Variants in AFP observed in about 807,000 individuals in gnomAD.
The protein encoded by AFP is alpha fetoprotein.
Under a neutral mutation model 78.9 loss-of-function variants are expected in AFP, and 64 were observed. The ratio of observed to expected loss-of-function variants is 0.81; its 90% CI spans 0.66 to 1.00. AFP has a LOEUF of 1.00. Ranked by LOEUF, AFP falls within the 50% of genes least tolerant of loss-of-function variation. The pLI is 0.00. For synonymous variants in AFP, 254 were observed against 243.8 expected (o/e 1.04, Z -0.39); for missense variants, 689 against 703.8 (o/e 0.98, Z 0.24).
chr4:73,445,222 C>T, intron 7 of AFP, 100 bp downstream of exon 7: 1 of 1,444,574 alleles, frequency 6.9e-7, no homozygotes. Flanking sequence ...GAATTGGTTA[C>T]AGAGTATGTA....
chr4:73,451,615 C>T (rs1035932084), intron 11 of AFP, among the ~76,000 whole-genome samples: 1 of 152,118 alleles, frequency 6.6e-6, no homozygotes, highest in East Asian at 1.9e-4. Context: ...CCGGAGGCCA[C>T]CAGCCAACAA....
At chr4:73,454,610 C>T (rs1300019772) in intron 13 of AFP, among the ~76,000 whole-genome samples, 1 of 152,084 alleles carries the variant, frequency 6.6e-6, no homozygotes, top group Non-Finnish European at 1.5e-5. Flanking sequence ...TATAGCAACA[C>T]TATACTTTAA....
In AFP at chr4:73,438,158, C is replaced by T. The variant is rs7655393; in HGVS notation, c.138-16C>T. The T allele has an allele frequency of 2.9e-4, 469 of 1,612,854 alleles. 1 individual carries two copies. In the African/African-American group the frequency reaches 5.3e-3, roughly 18 times the overall value. On this transcript the variant is annotated splice_polypyrimidine_tract_variant and intron_variant, in intron 2 of 14. Coordinates refer to ENST00000395792, the MANE Select transcript of AFP (RefSeq NM_001134.3). ...CAGGTCTGTTCCTTAAGGATTCACA[C>T]GTATTTTTGTTTCAGGGCTACCATA...
intron 11 of AFP, among the ~76,000 whole-genome samples, chr4:73,451,295 C>T (rs1037721410): frequency 1.3e-5 from 2 of 152,206 alleles, no homozygotes; most frequent in African/African-American, 4.8e-5. Flanking sequence ...AAATGACTTT[C>T]GAGTCAGTAA....
chr4:73,451,885 T>A lies in AFP; in HGVS notation c.1429-516T>A, dbSNP rs1720001705. 2.0e-5 allele frequency among the ~76,000 whole-genome samples: 3 copies of A among 152,226 alleles called. No homozygotes were observed. In the South Asian group the frequency reaches 6.2e-4, roughly 32 times the overall value. Reference sequence around the variant, plus strand: ...TCCTAAGTAGGCAAGGTAGCAAGATTCTACATTAGGAAAGTCTTAAAAACC... The same window carrying A: ...TCCTAAGTAGGCAAGGTAGCAAGATACTACATTAGGAAAGTCTTAAAAACC... On this transcript the variant is annotated intron_variant, in intron 11 of 14. Coordinates refer to ENST00000395792, the MANE Select transcript of AFP (RefSeq NM_001134.3).
At chr4:73,442,705 C>CTTAT (rs1719705471) in intron 5 of AFP, among the ~76,000 whole-genome samples, 2 of 151,566 alleles carry the variant, frequency 1.3e-5, no homozygotes, top group South Asian at 4.2e-4. Flanking sequence ...AGAGAGGGTG[C>CTTAT]TATAAATGGG....
chr4:73,453,498 A>C (rs1376408850), intron 12 of AFP: 4 of 409,156 alleles, frequency 9.8e-6, no homozygotes, highest in African/African-American at 2.0e-5. Context: ...GGATGAGGGG[A>C]GATTGCCTTC....
At position 73,453,781 on chromosome 4, in the gene AFP, G is replaced by T. The variant is rs751224144; in HGVS notation, c.1669G>T (p.Val557Leu). 5.0e-6 allele frequency: 8 copies of T among 1,613,492 alleles called. No individual in the cohort carries two copies. The highest frequency in any genetic ancestry group is 6.8e-6 in the Non-Finnish European group (8 of 1,179,632). ...AAATCACAGGTTTCTCATTAACCTT[G>T]TGAAGCAAAAGCCACAAATAACAGA... ...TMKQEFLINL[V>L]KQKPQITEEQ... Residue 557 changes from valine to leucine, a missense_variant, in exon 13 of 15, where the codon GTG becomes TTG. Transcript: ENST00000395792.
chr4:73,446,873 G>T (rs1442087494), intron 7 of AFP, among the ~76,000 whole-genome samples: 1 of 152,134 alleles, frequency 6.6e-6, no homozygotes, highest in Non-Finnish European at 1.5e-5. Context: ...ATGGAAAGAA[G>T]AATTGAACAA....
chr4:73,440,501 CTA>C (rs899778015), intron 3 of AFP, 99 bp from the exon 4 acceptor site: 20 of 970,268 alleles, frequency 2.1e-5, no homozygotes, highest in African/African-American at 3.3e-5. Context: ...TTTTCAGAAT[CTA>C]TAGTTCTGAT....
intron 7 of AFP, among the ~76,000 whole-genome samples, chr4:73,446,989 A>G (rs968112178): frequency 6.6e-6 from 1 of 152,120 alleles, no homozygotes; most frequent in Non-Finnish European, 1.5e-5. Context: ...TTCTCACTCT[A>G]TTTGCCTTTA....
chr4:73,450,230 G>A (rs1719949449), intron 10 of AFP, 97 bp downstream of exon 10: 4 of 1,038,532 alleles, frequency 3.9e-6, no homozygotes, highest in Non-Finnish European at 5.8e-6. Flanking sequence ...AGAATGACCT[G>A]TGAGGTCTGA....
Position 73,456,152 on chromosome 4 carries a change from C to T in AFP, c.*532C>T, listed in dbSNP as rs972520088. ...GACATTTTAAAACATAAGAATATTA[C>T]AGTTTTGATTGAATATAATTAATGT... On this transcript the variant is annotated 3_prime_UTR_variant, in exon 15 of 15. Transcript: ENST00000395792. 2 of 152,654 alleles carry T rather than the reference C, an allele frequency of 1.3e-5. No individual in the cohort carries two copies. Among genetic ancestry groups the T allele is most frequent in the African/African-American group, 4.8e-5 (2 of 41,444 alleles). 9.5% of individuals were successfully genotyped at this position (152,654 alleles called of 1,614,324 possible). A position where few individuals can be genotyped will look rare whatever the true frequency, so the allele number is the denominator to read the frequency against.
At chr4:73,441,167 TTGGTG>T (rs1332961110) in intron 4 of AFP, among the ~76,000 whole-genome samples, 4 of 152,152 alleles carry the variant, frequency 2.6e-5, no homozygotes, top group Non-Finnish European at 5.9e-5. Context: ...GAGCCATATA[TTGGTG>T]TTTTGTGTTC....
rs140208686 is a variant in AFP at position 73,450,678 on chromosome 4, C to T, written c.1353C>T (p.Thr451=). The T allele has an allele frequency of 1.3e-3, 2,033 of 1,614,158 alleles. 28 individuals are homozygous for T. In the South Asian group the frequency reaches 0.014, roughly 11 times the overall value. The change falls in exon 11 of 15, where the codon ACC becomes ACT. Residue 451 remains threonine, a synonymous_variant. Transcript: ENST00000395792. ...QLTSSELMAI[T]RKMAATAATC... is the part of the protein sequence containing the mutation. ...CCTCGTCGGAGCTGATGGCCATCAC[C>T]AGAAAAATGGCAGCCACAGCAGCCA...
At position 73,450,640 on chromosome 4, in the gene AFP, G is replaced by GC. The variant is rs759754008; in HGVS notation, c.1321dup (p.Gln441ProfsTer26). On this transcript the variant is annotated frameshift_variant, in exon 11 of 15. Coordinates refer to ENST00000395792, the MANE Select transcript of AFP (RefSeq NM_001134.3). LOFTEE classifies it high-confidence loss of function. ...GTTTCTCGTTGCTTACACAAAGAAA[G>GC]CCCCCCAGCTGACCTCGTCGGAGCT... 2.5e-6 allele frequency: 4 copies of GC among 1,613,988 alleles called. No individual in the cohort carries two copies. The highest frequency in any genetic ancestry group is 1.1e-5 in the South Asian group (1 of 91,084).
Position 73,440,943 on chromosome 4 carries a change from T to G in AFP, c.482+130T>G, listed in dbSNP as rs969542466. 7 of 914,580 alleles carry G rather than the reference T, an allele frequency of 7.7e-6. No individual in the cohort carries two copies. The Admixed American group carries it at 1.1e-4, about 14-fold the overall frequency. 56.7% of individuals were successfully genotyped at this position (914,580 alleles called of 1,614,324 possible). ...AATGTTTCTTTGGTGTTGTGTCTGC[T>G]GAGGTCCCAGACAAGGTAATTAGGA... On this transcript the variant is annotated intron_variant, in intron 4 of 14. Coordinates refer to ENST00000395792, the MANE Select transcript of AFP (RefSeq NM_001134.3).
At chr4:73,441,054 C>T (rs768268562) in intron 4 of AFP, among the ~76,000 whole-genome samples, 2 of 152,164 alleles carry the variant, frequency 1.3e-5, no homozygotes, top group Non-Finnish European at 1.5e-5. Flanking sequence ...TTCCATTAGT[C>T]CCTTGAGAGA....
In AFP at chr4:73,436,284, T is replaced by C. The variant is rs1447735822; in HGVS notation, c.22T>C (p.Phe8Leu). 2 of 1,602,640 alleles carry C rather than the reference T, an allele frequency of 1.2e-6. No homozygotes were observed. Among genetic ancestry groups the C allele is most frequent in the Non-Finnish European group, 1.7e-6 (2 of 1,170,962 alleles). The change falls in exon 1 of 15, where the codon TTT (phenylalanine) becomes CTT (leucine). Residue 8 changes from phenylalanine (F) to leucine (L), a missense_variant. Physicochemically the swap from Phe to Leu is conservative, Grantham distance 22. Transcript: ENST00000395792. MKWVESI[F>L]LIFLLNFTES... ...AACCATGAAGTGGGTGGAATCAATT[T>C]TTTTAATTTTCCTACTAAATTTTAC... is the stretch of plus-strand genomic sequence containing the variant.
Sources: gnomAD v4.1 joint callset for allele counts (sites outside exome capture counted in the v4.1 genomes callset) on GRCh38, gnomAD v4.1.1 for gene constraint, MANE v1.5 for transcripts, NCBI Gene and HGNC (gene_info 2026-07-23, HGNC 2026-07-21) for gene names.